ATG13: variants seen among roughly 807,000 people sequenced by gnomAD.
The protein encoded by ATG13 is autophagy-related protein 13.
Under a neutral mutation model 65.5 loss-of-function variants are expected in ATG13, and 23 were observed. The ratio of observed to expected loss-of-function variants is 0.35; its 90% CI spans 0.25 to 0.50. The LOEUF (loss-of-function observed/expected upper bound fraction) is 0.50, where lower values mean the gene tolerates loss of function less well. ATG13 is among the 20% of genes least tolerant of loss of function. The pLI is 0.98. For missense variants in ATG13, 566 were observed against 677.0 expected (o/e 0.84, Z 1.82); for synonymous variants, 252 against 245.2 (o/e 1.03, Z -0.26).
At chr11:46,624,398 CT>C (rs1009696281) in intron 1 of ATG13, among the ~76,000 whole-genome samples, 2 of 151,966 alleles carry the variant, frequency 1.3e-5, no homozygotes, top group African/African-American at 4.8e-5. Context: ...TTCACAGAAA[CT>C]TTTTAAGAAA....
intron 14 of ATG13, among the ~76,000 whole-genome samples, chr11:46,667,178 C>T (rs1282800549): frequency 6.6e-6 from 1 of 152,182 alleles, no homozygotes; most frequent in African/African-American, 2.4e-5. Flanking sequence ...CCAGGGGCCA[C>T]TTGACTGCAC....
chr11:46,631,826 G>A (rs2051864379), intron 2 of ATG13, among the ~76,000 whole-genome samples: 1 of 152,150 alleles, frequency 6.6e-6, no homozygotes, highest in African/African-American at 2.4e-5. Flanking sequence ...CTTGCAGTGA[G>A]CTATGATGGC....
intron 7 of ATG13, among the ~76,000 whole-genome samples, 156 bp downstream of exon 7, chr11:46,650,473 C>A (rs990141646): frequency 3.3e-5 from 5 of 152,212 alleles, no homozygotes; most frequent in South Asian, 2.1e-4. Context: ...TCCAGCCTGC[C>A]TTATGAACCT....
In ATG13 at chr11:46,657,166, A is replaced by G. The variant is rs1210456276; in HGVS notation, c.571A>G (p.Ile191Val). 5.6e-6 allele frequency: 9 copies of G among 1,614,024 alleles called. No individual in the cohort carries two copies. The Admixed American group carries it at 6.7e-5, about 12-fold the overall frequency. The change falls in exon 9 of 19, where the codon ATT becomes GTT. Residue 191 changes from isoleucine (I) to valine (V), a missense_variant. By Grantham distance (29) the Ile-to-Val change is conservative. Transcript: ENST00000683050. Reference protein sequence around the residue: ...GTITLSCAYRINLAFMSTRQF... With the variant: ...GTITLSCAYRVNLAFMSTRQF... The stretch of plus-strand genomic sequence containing the variant: ...CATCACTCTTTCTTGTGCTTACAGA[A>G]TTAACTTGGCATTCATGTCTACCAG...
intron 5 of ATG13, among the ~76,000 whole-genome samples, chr11:46,647,652 G>A (rs2057975520): frequency 6.7e-6 from 1 of 150,102 alleles, no homozygotes; most frequent in Non-Finnish European, 1.5e-5. Flanking sequence ...GCTCACTGCA[G>A]CCTCAAATTC....
chr11:46,644,865 T>C (rs1173893863), intron 3 of ATG13, among the ~76,000 whole-genome samples: 1 of 152,256 alleles, frequency 6.6e-6, no homozygotes, highest in African/African-American at 2.4e-5. Context: ...ATTGCCATGC[T>C]AGAACAATCC....
At position 46,667,756 on chromosome 11, in the gene ATG13, T is replaced by A; in HGVS notation, c.1137-17T>A. 6.3e-7 allele frequency: 1 copy of A among 1,577,570 alleles called. No homozygotes were observed. The highest frequency in any genetic ancestry group is 8.7e-7 in the Non-Finnish European group (1 of 1,149,254). On this transcript the variant is annotated splice_polypyrimidine_tract_variant and intron_variant, in intron 14 of 18. Coordinates refer to ENST00000683050, the MANE Select transcript of ATG13 (RefSeq NM_001346311.2). ...TGTGGTTTGAGAACGAGTACTAACT[T>A]CACCTTTCTCCTCCAGTGAGGATAC...
chr11:46,651,474 G>GT (rs1378918746), intron 7 of ATG13, among the ~76,000 whole-genome samples: 1 of 152,228 alleles, frequency 6.6e-6, no homozygotes, highest in Non-Finnish European at 1.5e-5. Flanking sequence ...ATGAACCAGA[G>GT]TGGTGGAGTA....
chr11:46,671,055 A>G (rs1189485056), intron 18 of ATG13, among the ~76,000 whole-genome samples: 7 of 152,160 alleles, frequency 4.6e-5, no homozygotes, highest in African/African-American at 1.4e-4. Context: ...TCCCTTGCCT[A>G]TCATGACATG....
chr11:46,654,261 C>A, intron 7 of ATG13, among the ~76,000 whole-genome samples: 1 of 131,226 alleles, frequency 7.6e-6, no homozygotes, highest in East Asian at 2.2e-4. Flanking sequence ...GGCAAGACCT[C>A]ATCACTACTA....
chr11:46,651,360 G>A (rs1200062020), intron 7 of ATG13, among the ~76,000 whole-genome samples: 1 of 152,172 alleles, frequency 6.6e-6, no homozygotes, highest in Non-Finnish European at 1.5e-5. Context: ...AAGAGAATTT[G>A]AGCTGGTAAA....
intron 16 of ATG13, 52 bp from the exon 17 acceptor site, chr11:46,668,742 A>T: frequency 6.5e-7 from 1 of 1,529,368 alleles, no homozygotes; most frequent in South Asian, 1.1e-5. Flanking sequence ...GTTTACAGTA[A>T]CTTGAATCTG....
At chr11:46,658,608 T>C (rs1215780117) in intron 10 of ATG13, among the ~76,000 whole-genome samples, 3 of 151,656 alleles carry the variant, frequency 2.0e-5, no homozygotes, top group Non-Finnish European at 4.4e-5. Context: ...TGATCTTGGC[T>C]CACCGCAGCC....
intron 2 of ATG13, among the ~76,000 whole-genome samples, chr11:46,633,459 T>G (rs1055010055): frequency 4.6e-4 from 70 of 152,046 alleles, no homozygotes; most frequent in African/African-American, 1.6e-3. Flanking sequence ...GTGATTCTTG[T>G]GCCTCAGCCT....
At chr11:46,644,734 T>C (rs1424931218) in intron 3 of ATG13, among the ~76,000 whole-genome samples, 1 of 152,164 alleles carries the variant, frequency 6.6e-6, no homozygotes, top group Non-Finnish European at 1.5e-5. Context: ...CAAGTAATCC[T>C]GAAATGTTCA....
chr11:46,667,750 C>T, intron 14 of ATG13, 23 bp from the exon 15 acceptor site: 1 of 1,563,794 alleles, frequency 6.4e-7, no homozygotes, highest in South Asian at 1.1e-5. Context: ...AGAACGAGTA[C>T]TAACTTCACC....
At chr11:46,667,436 G>A (rs2062619315) in intron 14 of ATG13, among the ~76,000 whole-genome samples, 1 of 152,202 alleles carries the variant, frequency 6.6e-6, no homozygotes, top group Non-Finnish European at 1.5e-5. Context: ...GGCGAGGAGA[G>A]GGGAGGAAAC....
intron 18 of ATG13, 80 bp from the exon 19 acceptor site, chr11:46,672,175 C>T: frequency 6.2e-7 from 1 of 1,603,584 alleles, no homozygotes; most frequent in Admixed American, 1.7e-5. Context: ...TGCTTGCTGC[C>T]TCCCCTCTTC....
In ATG13 at chr11:46,657,105, A is replaced by C; in HGVS notation, c.510A>C (p.Thr170=). ...TATCTCTTCTCCTAGGCTTCCAGAC[A>C]GTTCGTGTTGGGACAGTGGGCACCC... is the stretch of plus-strand genomic sequence containing the variant. The part of the protein sequence containing the change: ...QLSGLGEGFQ[T]VRVGTVGTPV... Residue 170 remains threonine, a synonymous_variant, in exon 9 of 19, where the codon ACA becomes ACC. Coordinates refer to ENST00000683050, the MANE Select transcript of ATG13 (RefSeq NM_001346311.2). 1 of 1,613,810 alleles carries C rather than the reference A, an allele frequency of 6.2e-7. No homozygotes were observed. The highest frequency in any genetic ancestry group is 1.3e-5 in the African/African-American group (1 of 75,054).
Sources: gnomAD v4.1 joint callset for allele counts (sites outside exome capture counted in the v4.1 genomes callset) on GRCh38, gnomAD v4.1.1 for gene constraint, MANE v1.5 for transcripts, NCBI Gene and HGNC (gene_info 2026-07-23, HGNC 2026-07-21) for gene names.